The following WDFY2 variants were observed in gnomAD, a reference collection of about 807,000 sequenced individuals.
The protein encoded by WDFY2 is WD repeat and FYVE domain containing 2, also known as WD repeat and FYVE domain-containing protein 2.
A neutral mutation model predicts 56.4 loss-of-function variants in WDFY2; 36 were observed. The ratio of observed to expected loss-of-function variants is 0.64; its 90% CI spans 0.49 to 0.84. The LOEUF (loss-of-function observed/expected upper bound fraction) is 0.84, where lower values mean the gene tolerates loss of function less well. Among genes scored for constraint, WDFY2 ranks in the 40% least tolerant of loss-of-function variants. WDFY2 has a pLI of 0.00. For synonymous variants in WDFY2, 176 were observed against 183.7 expected (o/e 0.96, Z 0.34); for missense variants, 444 against 512.2 (o/e 0.87, Z 1.29).
chr13:51,646,766 A>G (rs1955270547), intron 1 of WDFY2, among the ~76,000 whole-genome samples: 1 of 152,242 alleles, frequency 6.6e-6, no homozygotes, highest in Admixed American at 6.5e-5. Context: ...CTGCATCACT[A>G]TAAGCAGACT....
chr13:51,707,179 A>T lies in WDFY2; in HGVS notation c.334+3529A>T, dbSNP rs952469227. On this transcript the variant is annotated intron_variant, in intron 4 of 11. Coordinates refer to ENST00000298125, the MANE Select transcript of WDFY2 (RefSeq NM_052950.4). Reference sequence around the variant, plus strand: ...GTTCTTTTTTTGGGGGGCAGCAGGGAGACAGGGTCTCAATCAGTTGCCCAG... The same window carrying T: ...GTTCTTTTTTTGGGGGGCAGCAGGGTGACAGGGTCTCAATCAGTTGCCCAG... Among the ~76,000 whole-genome samples the T allele has an allele frequency of 5.3e-5, 8 of 152,188 alleles. No individual in the cohort carries two copies. In the East Asian group the frequency reaches 1.5e-3, roughly 29 times the overall value.
intron 1 of WDFY2, among the ~76,000 whole-genome samples, chr13:51,660,131 A>G (rs1407986694): frequency 3.3e-5 from 5 of 152,224 alleles, no homozygotes; most frequent in Non-Finnish European, 7.3e-5. Flanking sequence ...TTAGACAGGT[A>G]TATATGGTGT....
At chr13:51,758,402 G>T in intron 11 of WDFY2, 102 bp downstream of exon 11, 1 of 797,520 alleles carries the variant, frequency 1.3e-6, no homozygotes, top group Non-Finnish European at 1.9e-6. Context: ...TTATCCTTGG[G>T]TAGCCGGCCA....
chr13:51,629,826 C>CTTTTTTTTTTTTTTTT (rs11432630), intron 1 of WDFY2, among the ~76,000 whole-genome samples: 4 of 125,140 alleles, frequency 3.2e-5, no homozygotes, highest in African/African-American at 9.1e-5. Context: ...TCTTTCTTTT[C>CTTTTTTTTTTTTTTTT]TTTTTTTTTT....
At chr13:51,615,904 C>A (rs1283671969) in intron 1 of WDFY2, among the ~76,000 whole-genome samples, 3 of 152,142 alleles carry the variant, frequency 2.0e-5, no homozygotes, top group African/African-American at 7.2e-5. Flanking sequence ...GGATGGATTT[C>A]TATTTTTTAA....
chr13:51,727,590 G>T (rs1387085359), intron 5 of WDFY2, 88 bp from the exon 6 acceptor site: 1 of 1,240,356 alleles, frequency 8.1e-7, no homozygotes, highest in Non-Finnish European at 1.1e-6. Context: ...TGGGATTTGC[G>T]TATTTCTTGT....
chr13:51,705,578 T>G lies in WDFY2; in HGVS notation c.334+1928T>G, dbSNP rs550357106. On this transcript the variant is annotated intron_variant, in intron 4 of 11. Transcript: ENST00000298125. ...TTGTTTGTTTTTTTCTTTGTTTTTT[T>G]TTTTAATTTTTAATTTTTATGGGTA... 1.1e-4 allele frequency among the ~76,000 whole-genome samples: 16 copies of G among 152,042 alleles called. No homozygotes were observed. The South Asian group carries it at 3.1e-3, about 30-fold the overall frequency.
chr13:51,628,249 A>C lies in WDFY2; in HGVS notation c.138-32347A>C, dbSNP rs1367005721. On this transcript the variant is annotated intron_variant, in intron 1 of 11. Coordinates refer to ENST00000298125, the MANE Select transcript of WDFY2 (RefSeq NM_052950.4). ...CCCTCCCTGAGCTCCTCAGTGCCCA[A>C]AGTTTCAGAGGGGGCCGAGGTGGTG... is the stretch of plus-strand genomic sequence containing the variant. 2.0e-5 allele frequency among the ~76,000 whole-genome samples: 3 copies of C among 152,160 alleles called. No individual in the cohort carries two copies. In the East Asian group the frequency reaches 5.8e-4, roughly 29 times the overall value.
At chr13:51,662,320 C>G (rs946516061) in intron 2 of WDFY2, among the ~76,000 whole-genome samples, 1 of 152,040 alleles carries the variant, frequency 6.6e-6, no homozygotes, top group Admixed American at 6.6e-5. Context: ...CTTGCTTCTT[C>G]ATCAAACCTG....
intron 10 of WDFY2, among the ~76,000 whole-genome samples, chr13:51,757,853 A>T (rs1450395863): frequency 2.7e-5 from 4 of 150,724 alleles, no homozygotes; most frequent in Admixed American, 2.6e-4. Context: ...TTTTAATTAG[A>T]CTATTTTACT....
chr13:51,731,146 G>T (rs773853591), intron 6 of WDFY2, among the ~76,000 whole-genome samples: 4 of 152,196 alleles, frequency 2.6e-5, no homozygotes, highest in Non-Finnish European at 5.9e-5. Context: ...CGCAGGCCTG[G>T]TGATGGACCT....
intron 3 of WDFY2, among the ~76,000 whole-genome samples, chr13:51,695,277 GT>G (rs1312224031): frequency 6.6e-6 from 1 of 152,138 alleles, no homozygotes; most frequent in African/African-American, 2.4e-5. Context: ...AGAGTTTCCA[GT>G]TTTTCTGCTC....
chr13:51,741,864 A>G (rs1436643298), intron 7 of WDFY2, among the ~76,000 whole-genome samples: 1 of 152,102 alleles, frequency 6.6e-6, no homozygotes, highest in Non-Finnish European at 1.5e-5. Context: ...CCTTTCGTAT[A>G]CCCAGCCCTC....
At chr13:51,585,910 G>A (rs1953928281) in intron 1 of WDFY2, 1 of 397,364 alleles carries the variant, frequency 2.5e-6, no homozygotes, top group South Asian at 1.3e-4. Context: ...AATTGAGCTC[G>A]ATAGGTTTGT....
intron 1 of WDFY2, among the ~76,000 whole-genome samples, chr13:51,635,703 T>G (rs1244504427): frequency 6.6e-6 from 1 of 152,206 alleles, no homozygotes; most frequent in Non-Finnish European, 1.5e-5. Context: ...ACACTACAGT[T>G]TCTCACTTCT....
intron 2 of WDFY2, among the ~76,000 whole-genome samples, chr13:51,672,501 T>C (rs1461978638): frequency 2.6e-5 from 4 of 152,190 alleles, no homozygotes; most frequent in Non-Finnish European, 5.9e-5. Flanking sequence ...ATTTGTTCTT[T>C]TTGCTTAGTC....
At chr13:51,735,793 A>C (rs1952821309) in intron 6 of WDFY2, among the ~76,000 whole-genome samples, 1 of 152,142 alleles carries the variant, frequency 6.6e-6, no homozygotes, top group Non-Finnish European at 1.5e-5. Flanking sequence ...TAGAGCAGGC[A>C]TGGGACCCCA....
At chr13:51,594,274 C>T (rs1954104243) in intron 1 of WDFY2, 1 of 152,074 alleles carries the variant, frequency 6.6e-6, no homozygotes, top group African/African-American at 2.4e-5. Flanking sequence ...AACGCTTTTC[C>T]TAGGGAGCCA....
intron 4 of WDFY2, among the ~76,000 whole-genome samples, chr13:51,717,882 C>T (rs569763847): frequency 6.6e-6 from 1 of 152,292 alleles, no homozygotes; most frequent in Non-Finnish European, 1.5e-5. Context: ...TGTTGAATGA[C>T]TGCCCTGTGG....
Sources: allele counts gnomAD v4.1 joint callset (sites outside exome capture counted in the v4.1 genomes callset), GRCh38; gene constraint gnomAD v4.1.1; transcripts MANE v1.5; gene names NCBI Gene and HGNC (gene_info 2026-07-23, HGNC 2026-07-21).